The following PTPRZ1 variants were observed in gnomAD, a reference collection of about 807,000 sequenced individuals.
The protein encoded by PTPRZ1 is receptor-type tyrosine-protein phosphatase zeta.
In PTPRZ1, 82 loss-of-function variants were observed where a neutral mutation model predicts 214.1. That is an observed-to-expected ratio of 0.38 (90% CI 0.32 to 0.46). PTPRZ1 has a LOEUF of 0.46. PTPRZ1 is among the 20% of genes least tolerant of loss of function. PTPRZ1 has a pLI of 1.00. For missense variants in PTPRZ1, 2,603 were observed against 2,748.7 expected (o/e 0.95, Z 1.19); for synonymous variants, 945 against 987.9 (o/e 0.96, Z 0.81).
At chr7:121,879,332 C>T (rs973475814) in intron 1 of PTPRZ1, among the ~76,000 whole-genome samples, 3 of 152,080 alleles carry the variant, frequency 2.0e-5, no homozygotes, top group Non-Finnish European at 4.4e-5. Context: ...GCCTGTGCTG[C>T]TCTGGTGTTG....
At chr7:121,912,108 A>G (rs1795296620) in intron 1 of PTPRZ1, among the ~76,000 whole-genome samples, 1 of 152,188 alleles carries the variant, frequency 6.6e-6, no homozygotes, top group Non-Finnish European at 1.5e-5. Context: ...CCGTAATTGA[A>G]CAGCAGGAAG....
Position 121,972,676 on chromosome 7 carries a change from A to C in PTPRZ1, c.440A>C (p.Gln147Pro). ...GGATCAGAGCATAGTTTAGAAGGAC[A>C]AAAATTTCCACTTGAGGTAAGTCAG... Reference protein sequence around the residue: ...SDGSEHSLEGQKFPLEMQIYC... With the variant: ...SDGSEHSLEGPKFPLEMQIYC... Residue 147 changes from glutamine to proline, a missense_variant, in exon 4 of 30, where the codon CAA becomes CCA. By Grantham distance (76) the Gln-to-Pro change is moderately conservative. Coordinates refer to ENST00000393386, the MANE Select transcript of PTPRZ1 (RefSeq NM_002851.3). 1 of 1,602,676 alleles carries C rather than the reference A, an allele frequency of 6.2e-7. No individual in the cohort carries two copies. The highest frequency in any genetic ancestry group is 8.5e-7 in the Non-Finnish European group (1 of 1,175,152).
chr7:122,044,344 T>A, intron 22 of PTPRZ1, 78 bp from the exon 23 acceptor site: 4 of 1,525,464 alleles, frequency 2.6e-6, no homozygotes, highest in Non-Finnish European at 3.6e-6. Context: ...TGTCTGTCAA[T>A]GGAAGGTACT....
At chr7:121,981,236 G>T (rs760686282) in intron 6 of PTPRZ1, among the ~76,000 whole-genome samples, 1 of 151,994 alleles carries the variant, frequency 6.6e-6, no homozygotes, top group African/African-American at 2.4e-5. Flanking sequence ...CTGCATGTTT[G>T]CATCACCTGG....
intron 2 of PTPRZ1, among the ~76,000 whole-genome samples, chr7:121,928,773 G>A (rs1229969283): frequency 1.3e-5 from 2 of 152,264 alleles, no homozygotes; most frequent in East Asian, 3.9e-4. Flanking sequence ...ACTAGACTTT[G>A]CCTAGAACAT....
At chr7:121,879,154 A>T (rs1044799214) in intron 1 of PTPRZ1, among the ~76,000 whole-genome samples, 1 of 152,254 alleles carries the variant, frequency 6.6e-6, no homozygotes, top group South Asian at 2.1e-4. Context: ...CTATCTGTGC[A>T]TGGAAAATAA....
intron 2 of PTPRZ1, among the ~76,000 whole-genome samples, chr7:121,929,419 A>G (rs919016849): frequency 2.0e-5 from 3 of 152,000 alleles, no homozygotes; most frequent in South Asian, 2.1e-4. Flanking sequence ...TCTATAAGCA[A>G]TGACAGATGA....
chr7:121,877,563 A>G (rs1270655266), intron 1 of PTPRZ1, among the ~76,000 whole-genome samples: 3 of 152,288 alleles, frequency 2.0e-5, no homozygotes, highest in Non-Finnish European at 2.9e-5. Flanking sequence ...CGTTCCAGCC[A>G]TGCTACTTTA....
rs1246105489 is a variant in PTPRZ1 at position 122,059,790 on chromosome 7, A to G, written c.6709A>G (p.Thr2237Ala). 1 of 1,613,062 alleles carries G rather than the reference A, an allele frequency of 6.2e-7. No homozygotes were observed. The highest frequency in any genetic ancestry group is 2.2e-5 in the East Asian group (1 of 44,836). The change falls in exon 29 of 30, where the codon ACA becomes GCA. Residue 2237 changes from threonine (T) to alanine (A), a missense_variant. This residue lies in a region of PTPRZ1 where 165 missense variants were observed against 151.4 expected (regional missense o/e 1.09). Coordinates refer to ENST00000393386, the MANE Select transcript of PTPRZ1 (RefSeq NM_002851.3). ...GVTAGTFCAL[T>A]TLMHQLEKEN... ...GACGGCAGGAACTTTCTGTGCTCTGACAACCCTTATGCACCAACTAGAAAA... is the reference window on the plus strand; with the variant it reads ...GACGGCAGGAACTTTCTGTGCTCTGGCAACCCTTATGCACCAACTAGAAAA...
chr7:121,943,981 T>C (rs933898720), intron 2 of PTPRZ1, among the ~76,000 whole-genome samples: 1 of 152,228 alleles, frequency 6.6e-6, no homozygotes, highest in African/African-American at 2.4e-5. Context: ...TATATTGACA[T>C]TTAAAAAGTA....
At chr7:122,036,466 A>C in intron 17 of PTPRZ1, 134 bp from the exon 18 acceptor site, 1 of 642,776 alleles carries the variant, frequency 1.6e-6, no homozygotes, top group Non-Finnish European at 2.7e-6. Flanking sequence ...CTGTATCCCC[A>C]AAAAGCCTAT....
intron 2 of PTPRZ1, among the ~76,000 whole-genome samples, chr7:121,961,956 A>G (rs551601872): frequency 6.6e-6 from 1 of 152,248 alleles, no homozygotes; most frequent in South Asian, 2.1e-4. Flanking sequence ...TTATGTGTTA[A>G]TCAGCCTGAT....
chr7:122,004,670 C>T lies in PTPRZ1; in HGVS notation c.1287+10C>T, dbSNP rs747181157. Reference sequence around the variant, plus strand: ...TGAAGAAATAATCAAGGTATCATAGCCATTTTTATATTCAAATGTTTTAAT... The same window carrying T: ...TGAAGAAATAATCAAGGTATCATAGTCATTTTTATATTCAAATGTTTTAAT... On this transcript the variant is annotated intron_variant, in intron 11 of 29. Coordinates refer to ENST00000393386, the MANE Select transcript of PTPRZ1 (RefSeq NM_002851.3). The T allele has an allele frequency of 7.5e-7, 1 of 1,331,682 alleles. No individual in the cohort carries two copies. Among genetic ancestry groups the T allele is most frequent in the South Asian group, 1.3e-5 (1 of 77,564 alleles). 82.5% of individuals were successfully genotyped at this position (1,331,682 alleles called of 1,614,324 possible).
At chr7:122,030,730 A>G (rs2116721736) in intron 14 of PTPRZ1, among the ~76,000 whole-genome samples, 1 of 152,144 alleles carries the variant, frequency 6.6e-6, no homozygotes, top group East Asian at 1.9e-4. Context: ...AATCACTTGT[A>G]AAATTGCATA....
At chr7:121,979,045 G>A (rs551025190) in intron 6 of PTPRZ1, among the ~76,000 whole-genome samples, 1 of 145,892 alleles carries the variant, frequency 6.9e-6, no homozygotes, top group Admixed American at 7.1e-5. Flanking sequence ...ATTTGGCTCT[G>A]TATTCACCAT....
chr7:121,944,348 T>C (rs1314154392), intron 2 of PTPRZ1, among the ~76,000 whole-genome samples: 2 of 152,148 alleles, frequency 1.3e-5, no homozygotes, highest in Non-Finnish European at 2.9e-5. Flanking sequence ...TTCTTATATA[T>C]ATATTTTTAA....
chr7:121,958,961 C>T (rs1203628007), intron 2 of PTPRZ1, among the ~76,000 whole-genome samples: 1 of 152,034 alleles, frequency 6.6e-6, no homozygotes, highest in Non-Finnish European at 1.5e-5. Flanking sequence ...GTAGCTGGGA[C>T]TACAGGTGCC....
At chr7:121,968,310 C>T (rs1356200491) in intron 3 of PTPRZ1, among the ~76,000 whole-genome samples, 180 bp downstream of exon 3, 1 of 144,362 alleles carries the variant, frequency 6.9e-6, no homozygotes, top group Non-Finnish European at 1.5e-5. Context: ...ACAATTTGTA[C>T]AAAAAAAAAA....
intron 5 of PTPRZ1, 53 bp downstream of exon 5, chr7:121,976,321 T>G: frequency 9.0e-7 from 1 of 1,110,726 alleles, no homozygotes; most frequent in Non-Finnish European, 1.3e-6. Context: ...TCACATTAAA[T>G]ATTGACGTGA....
Sources: gnomAD v4.1 joint callset for allele counts (sites outside exome capture counted in the v4.1 genomes callset) on GRCh38, gnomAD v4.1.1 for gene constraint, gnomAD v4.1.1 regional missense constraint, MANE v1.5 for transcripts, NCBI Gene and HGNC (gene_info 2026-07-23, HGNC 2026-07-21) for gene names.